ARHGEF38: variants seen among roughly 807,000 people sequenced by gnomAD.
The protein encoded by ARHGEF38 is Rho guanine nucleotide exchange factor 38.
Under a neutral mutation model 79.9 loss-of-function variants are expected in ARHGEF38, and 79 were observed. The observed-to-expected ratio is 0.99, with a 90% CI of 0.82 to 1.19. The LOEUF (loss-of-function observed/expected upper bound fraction) is 1.19. Ranked by LOEUF, ARHGEF38 falls within the 50% of genes most tolerant of loss-of-function variation. ARHGEF38 has a pLI of 0.00. For synonymous variants in ARHGEF38, 366 were observed against 328.3 expected (o/e 1.11, Z -1.24); for missense variants, 962 against 907.2 (o/e 1.06, Z -0.78).
chr4:105,660,119 A>G (rs1297262670), intron 10 of ARHGEF38, among the ~76,000 whole-genome samples: 1 of 152,118 alleles, frequency 6.6e-6, no homozygotes, highest in Non-Finnish European at 1.5e-5. Context: ...CTTTTAACTT[A>G]TACTTTGAAT....
At chr4:105,589,850 G>C (rs1201925630) in intron 2 of ARHGEF38, among the ~76,000 whole-genome samples, 1 of 151,872 alleles carries the variant, frequency 6.6e-6, no homozygotes, top group East Asian at 1.9e-4. Context: ...TGGCCAACAT[G>C]GTGAAACCTC....
chr4:105,627,156 G>C (rs960822540), intron 3 of ARHGEF38, among the ~76,000 whole-genome samples: 11 of 152,116 alleles, frequency 7.2e-5, no homozygotes, highest in Non-Finnish European at 1.5e-4. Context: ...ACCTACCAAA[G>C]TGTTTGGTGC....
Position 105,648,609 on chromosome 4 carries a change from A to G in ARHGEF38, c.935A>G (p.Asn312Ser). ...CTTAAAGACAAATTGTCTAAACTAAATATTCATTCAATTAGCAAGAAATCA... is the reference window on the plus strand; with the variant it reads ...CTTAAAGACAAATTGTCTAAACTAAGTATTCATTCAATTAGCAAGAAATCA... ...ESLKDKLSKL[N>S]IHSISKKSKR... The change falls in exon 7 of 14, where the codon AAT becomes AGT. Residue 312 changes from asparagine (N) to serine (S), a missense_variant. By Grantham distance (46) the Asn-to-Ser change is conservative. Coordinates refer to ENST00000420470, the MANE Select transcript of ARHGEF38 (RefSeq NM_001242729.2). 6.5e-7 allele frequency: 1 copy of G among 1,533,070 alleles called. No homozygotes were observed. The highest frequency in any genetic ancestry group is 1.4e-5 in the African/African-American group (1 of 73,086). The allele number at this position is 1,533,070 out of a possible 1,614,324, so 95.0% of individuals were successfully genotyped here. A position where few individuals can be genotyped will look rare whatever the true frequency, so the allele number is the denominator to read the frequency against.
At chr4:105,594,874 C>T (rs1462731256) in intron 2 of ARHGEF38, among the ~76,000 whole-genome samples, 1 of 152,176 alleles carries the variant, frequency 6.6e-6, no homozygotes, top group East Asian at 1.9e-4. Context: ...ACGTTATCCA[C>T]ATCAGTTAGT....
At chr4:105,561,498 T>TGG (rs1725607541) in intron 1 of ARHGEF38, 2 of 142,684 alleles carry the variant, frequency 1.4e-5, no homozygotes, top group Admixed American at 6.9e-5. Context: ...TAGAATAGAA[T>TGG]AGAATAGAAT....
chr4:105,667,665 G>A lies in ARHGEF38; in HGVS notation c.2110G>A (p.Gly704Ser), dbSNP rs1367584311. 1 of 1,536,290 alleles carries A rather than the reference G, an allele frequency of 6.5e-7. No individual in the cohort carries two copies. The highest frequency in any genetic ancestry group is 8.7e-7 in the Non-Finnish European group (1 of 1,146,952). ...SGTCGKFETN[G>S]TDVDSFQEVD... ...CACATGTGGAAAGTTTGAAACAAAT[G>A]GTACTGATGTTGACAGTTTTCAAGA... is the stretch of plus-strand genomic sequence containing the variant. Residue 704 changes from glycine (G) to serine (S), a missense_variant, in exon 13 of 14, where the codon GGT becomes AGT. Coordinates refer to ENST00000420470, the MANE Select transcript of ARHGEF38 (RefSeq NM_001242729.2).
intron 10 of ARHGEF38, among the ~76,000 whole-genome samples, chr4:105,665,558 T>A (rs1452507100): frequency 6.6e-6 from 1 of 152,004 alleles, no homozygotes; most frequent in Non-Finnish European, 1.5e-5. Context: ...GGCCTCAGCT[T>A]CCTGATTAGC....
rs765231165 is a variant in ARHGEF38, at chr4:105,654,085, C to A, written c.1029C>A (p.Asn343Lys). Residue 343 changes from asparagine (N) to lysine (K), a missense_variant, in exon 8 of 14, where the codon AAC (asparagine) becomes AAA (lysine). Asn to Lys is a moderately conservative substitution (Grantham distance 94). Coordinates refer to ENST00000420470, the MANE Select transcript of ARHGEF38 (RefSeq NM_001242729.2). ...TTTAGGTTAAAGACAATACCTTTAA[C>A]AGAGAAGAAAAGCTGTTTAGAGCTT... ...GESQVKDNTF[N>K]REEKLFRALE... 1 of 1,507,316 alleles carries A rather than the reference C, an allele frequency of 6.6e-7. No homozygotes were observed. The highest frequency in any genetic ancestry group is 1.3e-5 in the South Asian group (1 of 78,870). The allele number at this position is 1,507,316 out of a possible 1,614,324, so 93.4% of individuals were successfully genotyped here.
chr4:105,609,324 G>T (rs556944910), intron 2 of ARHGEF38, among the ~76,000 whole-genome samples: 1 of 152,014 alleles, frequency 6.6e-6, no homozygotes, highest in Non-Finnish European at 1.5e-5. Context: ...ATTTATTTCT[G>T]GGCTCTCTAT....
chr4:105,596,392 C>T (rs557885305), intron 2 of ARHGEF38, among the ~76,000 whole-genome samples: 3 of 152,232 alleles, frequency 2.0e-5, no homozygotes, highest in South Asian at 2.1e-4. Flanking sequence ...GTTGCTGTAG[C>T]GTCAGCCATC....
chr4:105,572,273 A>T (rs921284189), intron 1 of ARHGEF38, among the ~76,000 whole-genome samples: 1 of 152,170 alleles, frequency 6.6e-6, no homozygotes, highest in Non-Finnish European at 1.5e-5. Flanking sequence ...AACTGTTAAA[A>T]TTTTGGAAAA....
chr4:105,674,833 C>T (rs563889322), intron 13 of ARHGEF38, among the ~76,000 whole-genome samples: 125 of 151,882 alleles, frequency 8.2e-4, no homozygotes, highest in Non-Finnish European at 1.5e-3. Context: ...GTTTATATTT[C>T]GCTTGAGAGA....
rs1373785850 is a variant in ARHGEF38 at position 105,679,238 on chromosome 4, T to C, written c.*1301T>C. On this transcript the variant is annotated 3_prime_UTR_variant, in exon 14 of 14. Transcript: ENST00000420470. ...CTGGAATTAAAAGATGTTTCCATCA[T>C]AATATTCTTTAATTTCAGGTAATTT... 8 of 675,972 alleles carry C rather than the reference T, an allele frequency of 1.2e-5. No individual in the cohort carries two copies. The highest frequency in any genetic ancestry group is 2.4e-5 in the Admixed American group (1 of 41,192). 41.9% of individuals were successfully genotyped at this position (675,972 alleles called of 1,614,324 possible). A position where few individuals can be genotyped will look rare whatever the true frequency, so the allele number is the denominator to read the frequency against.
intron 5 of ARHGEF38, among the ~76,000 whole-genome samples, chr4:105,644,052 G>C (rs1478746583): frequency 6.6e-6 from 1 of 151,620 alleles, no homozygotes; most frequent in African/African-American, 2.4e-5. Flanking sequence ...TTTTTTTCTA[G>C]AGACGGGGTT....
At chr4:105,638,626 A>G (rs1041410716) in intron 5 of ARHGEF38, among the ~76,000 whole-genome samples, 2 of 152,176 alleles carry the variant, frequency 1.3e-5, no homozygotes, top group East Asian at 1.9e-4. Context: ...AAAGCTAACT[A>G]TTGTAGCATT....
intron 2 of ARHGEF38, among the ~76,000 whole-genome samples, chr4:105,593,625 T>A (rs192573127): frequency 2.6e-5 from 4 of 152,334 alleles, no homozygotes; most frequent in Non-Finnish European, 4.4e-5. Flanking sequence ...TTGTATCAAA[T>A]GGACTAAGTT....
intron 1 of ARHGEF38, among the ~76,000 whole-genome samples, chr4:105,581,728 T>A (rs1167597313): frequency 1.3e-5 from 2 of 152,200 alleles, no homozygotes; most frequent in East Asian, 3.8e-4. Context: ...TACTTGTTTT[T>A]TAAACCTATT....
intron 10 of ARHGEF38, among the ~76,000 whole-genome samples, chr4:105,665,010 T>C (rs1202208661): frequency 6.6e-6 from 1 of 152,094 alleles, no homozygotes; most frequent in Non-Finnish European, 1.5e-5. Flanking sequence ...CTGTTGTTGT[T>C]GTTGAGACAG....
intron 1 of ARHGEF38, among the ~76,000 whole-genome samples, chr4:105,560,249 G>A (rs578258225): frequency 1.4e-4 from 21 of 152,114 alleles, no homozygotes; most frequent in African/African-American, 1.9e-4. Context: ...TTTAGTTGTC[G>A]GGGAACAAAA....
Sources: allele counts gnomAD v4.1 joint callset (sites outside exome capture counted in the v4.1 genomes callset), GRCh38; gene constraint gnomAD v4.1.1; transcripts MANE v1.5; gene names NCBI Gene and HGNC (gene_info 2026-07-23, HGNC 2026-07-21).